Variants in PTPRN2 observed in about 807,000 individuals in gnomAD.
PTPRN2 encodes the protein protein tyrosine phosphatase receptor type N2.
In PTPRN2, 74 loss-of-function variants were observed where a neutral mutation model predicts 118.8. The observed-to-expected ratio is 0.62, with a 90% confidence interval of 0.52 to 0.76. The LOEUF (loss-of-function observed/expected upper bound fraction) is 0.76, where lower values mean the gene tolerates loss of function less well. Among genes scored for constraint, PTPRN2 ranks in the 30% least tolerant of loss-of-function variants. PTPRN2 has a pLI of 0.00. For synonymous variants in PTPRN2, 641 were observed against 608.0 expected, an observed-to-expected ratio of 1.05 and a Z score of -0.80; for missense variants, 1,481 against 1,394.4, an observed-to-expected ratio of 1.06 and a Z score of -0.99.
chr7:158,530,263 T>G (rs947429244), intron 1 of PTPRN2, among the ~76,000 whole-genome samples: 1 of 152,244 alleles, frequency 6.6e-6, no homozygotes, highest in Non-Finnish European at 1.5e-5. Flanking sequence ...TTTACAGTAA[T>G]AATTAAGTGA....
At chr7:157,789,706 T>C (rs28411854) in intron 12 of PTPRN2, among the ~76,000 whole-genome samples, 14,667 of 149,556 alleles carry the variant, frequency 0.098, 781 homozygotes, top group African/African-American at 0.12. Context: ...GTGTGTGTGG[T>C]GTGTGTGGTA....
At position 158,457,845 on chromosome 7, in the gene PTPRN2, G is replaced by C. The variant is rs528148104; in HGVS notation, c.163+31890C>G. Among the ~76,000 whole-genome samples the C allele has an allele frequency of 2.0e-5, 3 of 150,664 alleles. No individual in the cohort carries two copies. In the East Asian group the frequency reaches 5.9e-4, roughly 30 times the overall value. ...CCCCCTCCAGGGCGAGCCTGGCCTG[G>C]GGAGAGTCGCAGTAAAGCCACCGTC... On this transcript the variant is annotated intron_variant, in intron 2 of 22. Transcript: ENST00000389418.
chr7:158,440,687 G>GATA (rs1816939515), intron 2 of PTPRN2, among the ~76,000 whole-genome samples: 1 of 150,360 alleles, frequency 6.7e-6, no homozygotes, highest in African/African-American at 2.5e-5. Flanking sequence ...TGGTGGTGGT[G>GATA]GTGATGGTGA....
chr7:157,873,715 C>T (rs960900091), intron 12 of PTPRN2, among the ~76,000 whole-genome samples: 1 of 151,940 alleles, frequency 6.6e-6, no homozygotes, highest in Non-Finnish European at 1.5e-5. Flanking sequence ...ACGTACTGTC[C>T]TCAAGCAGAA....
chr7:158,312,866 G>A (rs556919143), intron 3 of PTPRN2, among the ~76,000 whole-genome samples: 2 of 151,408 alleles, frequency 1.3e-5, no homozygotes, highest in East Asian at 2.0e-4. Context: ...GTGTGTGGAT[G>A]TCTACACATG....
intron 17 of PTPRN2, among the ~76,000 whole-genome samples, chr7:157,580,431 C>A (rs969807530): frequency 6.0e-5 from 9 of 151,108 alleles, no homozygotes; most frequent in Admixed American, 2.0e-4. Flanking sequence ...AGCCGAGTAC[C>A]TGCACACCCC....
chr7:157,869,906 C>T lies in PTPRN2; in HGVS notation c.1788+28767G>A, dbSNP rs1032810412. Among the ~76,000 whole-genome samples the T allele has an allele frequency of 3.0e-4, 45 of 152,096 alleles. No homozygotes were observed. Among genetic ancestry groups the T allele is most frequent in the African/African-American group, 1.1e-3 (44 of 41,420 alleles). On this transcript the variant is annotated intron_variant, in intron 12 of 22. Transcript: ENST00000389418. The surrounding 1 kb of genome is among the most constrained non-coding windows in gnomAD (Gnocchi z 4.2). ...CAACATGCAAAATGCCTTGAGCATC[C>T]CAACATCTACTGCCATGACCTTTGC... is the stretch of plus-strand genomic sequence containing the variant.
chr7:158,485,114 G>C (rs1820912844), intron 2 of PTPRN2, among the ~76,000 whole-genome samples: 2 of 152,122 alleles, frequency 1.3e-5, no homozygotes, highest in African/African-American at 4.8e-5. Context: ...CCGAGCGCAG[G>C]GCTTGTGGGT....
At position 158,133,864 on chromosome 7, in the gene PTPRN2, G is replaced by A. The variant is rs749911519; in HGVS notation, c.1369C>T (p.Leu457=). 3 of 1,613,780 alleles carry A rather than the reference G, an allele frequency of 1.9e-6. No homozygotes were observed. The highest frequency in any genetic ancestry group is 4.5e-5 in the East Asian group (2 of 44,886). ...GGCTCCGAATGCGGCTGCTGCCCCAGCAGATCTTTGGAATACGTCTGGCTC... is the reference window on the plus strand; with the variant it reads ...GGCTCCGAATGCGGCTGCTGCCCCAACAGATCTTTGGAATACGTCTGGCTC... ...VKSQTYSKDL[L]GQQPHSEPGA... The change falls in exon 9 of 23, where the codon CTG becomes TTG. Residue 457 remains leucine, a synonymous_variant. Transcript: ENST00000389418.
intron 2 of PTPRN2, among the ~76,000 whole-genome samples, chr7:158,379,051 C>T (rs200055062): frequency 6.0e-5 from 9 of 149,346 alleles, no homozygotes; most frequent in South Asian, 2.2e-4. Context: ...AGGCAGGGTG[C>T]GGGGTGAGAA....
At chr7:158,550,221 G>A (rs574389904) in intron 1 of PTPRN2, among the ~76,000 whole-genome samples, 2 of 152,328 alleles carry the variant, frequency 1.3e-5, no homozygotes, top group African/African-American at 4.8e-5. Context: ...CTGAGCCCAC[G>A]TCCCGATAGG....
rs1004466949 is a variant in PTPRN2, at chr7:157,780,998, G to C, written c.1789-98061C>G. Reference sequence around the variant, plus strand: ...CCTTCTCTGGCCTCCTGCCGCTCACGGCCACAATCACCCCACATCCTGGTC... The same window carrying C: ...CCTTCTCTGGCCTCCTGCCGCTCACCGCCACAATCACCCCACATCCTGGTC... On this transcript the variant is annotated intron_variant, in intron 12 of 22. Coordinates refer to ENST00000389418, the MANE Select transcript of PTPRN2 (RefSeq NM_002847.5). This position sits in a 1 kb window ranked among gnomAD's most constrained non-coding sequence, Gnocchi z 4.5. 6.6e-6 allele frequency among the ~76,000 whole-genome samples: 1 copy of C among 152,020 alleles called. No individual in the cohort carries two copies. Among genetic ancestry groups the C allele is most frequent in the Admixed American group, 6.6e-5 (1 of 15,258 alleles).
At position 158,273,265 on chromosome 7, in the gene PTPRN2, G is replaced by A. The variant is rs145653524; in HGVS notation, c.277+43554C>T. On this transcript the variant is annotated intron_variant, in intron 3 of 22. Coordinates refer to ENST00000389418, the MANE Select transcript of PTPRN2 (RefSeq NM_002847.5). ...GTTTCTCTGTCTTGAAAATGACACC[G>A]AACGTTTATGGCCAGTGAGCACCCA... 1.1e-4 allele frequency among the ~76,000 whole-genome samples: 17 copies of A among 152,326 alleles called. No individual in the cohort carries two copies. The East Asian group carries it at 1.7e-3, about 16-fold the overall frequency.
At chr7:157,693,212 C>T (rs1797601935) in intron 12 of PTPRN2, among the ~76,000 whole-genome samples, 1 of 152,058 alleles carries the variant, frequency 6.6e-6, no homozygotes, top group African/African-American at 2.4e-5. Flanking sequence ...GGCTGGTAAC[C>T]GGCCTCTCCA....
intron 3 of PTPRN2, among the ~76,000 whole-genome samples, chr7:158,258,196 C>A (rs992776079): frequency 6.6e-6 from 1 of 152,206 alleles, no homozygotes; most frequent in African/African-American, 2.4e-5. Flanking sequence ...GCATTCCCGA[C>A]GTCCACACAC....
At chr7:158,243,813 T>C (rs1285141050) in intron 3 of PTPRN2, among the ~76,000 whole-genome samples, 1 of 152,172 alleles carries the variant, frequency 6.6e-6, no homozygotes, top group Non-Finnish European at 1.5e-5. Flanking sequence ...TAAGTATCAG[T>C]GTCTACTTAG....
intron 3 of PTPRN2, among the ~76,000 whole-genome samples, chr7:158,234,851 C>T (rs553010601): frequency 6.6e-6 from 1 of 152,332 alleles, no homozygotes; most frequent in East Asian, 1.9e-4. Flanking sequence ...CAACCTCCAC[C>T]TCCTGGATTC....
In PTPRN2 at chr7:157,874,616, G is replaced by C. The variant is rs1795599394; in HGVS notation, c.1788+24057C>G. 6.6e-6 allele frequency among the ~76,000 whole-genome samples: 1 copy of C among 152,216 alleles called. No individual in the cohort carries two copies. Among genetic ancestry groups the C allele is most frequent in the South Asian group, 2.1e-4 (1 of 4,832 alleles). On this transcript the variant is annotated intron_variant, in intron 12 of 22. Coordinates refer to ENST00000389418, the MANE Select transcript of PTPRN2 (RefSeq NM_002847.5). This position sits in a 1 kb window ranked among gnomAD's most constrained non-coding sequence, Gnocchi z 5.8. ...TCCACAGACAGCTCCCGGGGTCCGG[G>C]GAGAAGCGGAGGGGGGCAGAGAAGG...
intron 12 of PTPRN2, among the ~76,000 whole-genome samples, chr7:157,731,973 T>C (rs372691235): frequency 4.9e-4 from 10 of 20,372 alleles, no homozygotes; most frequent in East Asian, 2.2e-3. Flanking sequence ...CCCTTTCCCG[T>C]CCCATGCGCC....
Sources: gnomAD v4.1 joint callset for allele counts (sites outside exome capture counted in the v4.1 genomes callset) on GRCh38, gnomAD v4.1.1 for gene constraint, Gnocchi (gnomAD v3.1) non-coding constraint, MANE v1.5 for transcripts, NCBI Gene and HGNC (gene_info 2026-07-23, HGNC 2026-07-21) for gene names.